BCR: variants seen among roughly 807,000 people sequenced by gnomAD.
BCR encodes the protein breakpoint cluster region protein.
BCR carries 58 observed loss-of-function variants against 138.6 expected under a neutral mutation model. The observed-to-expected ratio is 0.42, with a 90% CI of 0.34 to 0.52. The LOEUF is 0.52. Ranked by LOEUF, BCR falls within the 20% of genes least tolerant of loss-of-function variation. BCR has a pLI of 0.06. For synonymous variants in BCR, 786 were observed against 730.1 expected (o/e 1.08, Z -1.23); for missense variants, 1,599 against 1,727.2 (o/e 0.93, Z 1.32).
chr22:23,210,628 C>A (rs1274125153), intron 1 of BCR, among the ~76,000 whole-genome samples: 1 of 152,134 alleles, frequency 6.6e-6, no homozygotes, highest in African/African-American at 2.4e-5. Flanking sequence ...TTGCATTACC[C>A]CTTGTTCCTT....
At chr22:23,299,693 TTTATATA>T (rs907818606) in intron 16 of BCR, among the ~76,000 whole-genome samples, 2 of 119,952 alleles carry the variant, frequency 1.7e-5, no homozygotes, top group African/African-American at 7.3e-5. Context: ...GGATCTAGAG[TTTATATA>T]TATATATATA....
chr22:23,300,287 T>C (rs146087276), intron 16 of BCR, among the ~76,000 whole-genome samples: 218 of 152,372 alleles, frequency 1.4e-3, no homozygotes, highest in African/African-American at 5.1e-3. Context: ...AGCTACCTCA[T>C]GTAAGTGGAA....
At chr22:23,241,715 C>T (rs970339492) in intron 1 of BCR, among the ~76,000 whole-genome samples, 7 of 152,116 alleles carry the variant, frequency 4.6e-5, no homozygotes, top group African/African-American at 1.7e-4. Flanking sequence ...AGTGCCCCTG[C>T]CTGCGTTTTT....
chr22:23,211,066 CCTT>C (rs2072675886), intron 1 of BCR, among the ~76,000 whole-genome samples: 2 of 152,204 alleles, frequency 1.3e-5, no homozygotes, highest in South Asian at 2.1e-4. Context: ...CTCCCCATCC[CCTT>C]CTTCTGTTAG....
intron 1 of BCR, among the ~76,000 whole-genome samples, chr22:23,249,202 G>A (rs2073192069): frequency 1.3e-5 from 2 of 152,138 alleles, no homozygotes; most frequent in Admixed American, 6.5e-5. Context: ...GGCCAAGGTG[G>A]GTGGATCACA....
chr22:23,245,728 A>T (rs536084417), intron 1 of BCR, among the ~76,000 whole-genome samples: 1 of 152,230 alleles, frequency 6.6e-6, no homozygotes, highest in East Asian at 1.9e-4. Flanking sequence ...TCCATCCGGA[A>T]GGATACTCTC....
intron 1 of BCR, among the ~76,000 whole-genome samples, chr22:23,200,348 A>G (rs4820543): frequency 0.67 from 102,160 of 151,638 alleles, 35,320 homozygotes; most frequent in East Asian, 0.96. Flanking sequence ...ACAGGGTCTT[A>G]CTCCGCTGCC....
At chr22:23,266,718 C>T (rs1169845589) in intron 4 of BCR, among the ~76,000 whole-genome samples, 4 of 152,246 alleles carry the variant, frequency 2.6e-5, no homozygotes, top group Admixed American at 6.5e-5. Flanking sequence ...CAGGCCCACT[C>T]GGGTTTGCCA....
intron 16 of BCR, 28 bp downstream of exon 16, chr22:23,295,183 G>GC: frequency 6.4e-7 from 1 of 1,562,256 alleles, no homozygotes; most frequent in Non-Finnish European, 8.7e-7. Context: ...ACCCTCCCCT[G>GC]CCCGATGCAT....
At chr22:23,304,848 C>T (rs1473768000) in intron 16 of BCR, among the ~76,000 whole-genome samples, 1 of 152,204 alleles carries the variant, frequency 6.6e-6, no homozygotes, top group African/African-American at 2.4e-5. Flanking sequence ...GGCGCGGTGG[C>T]TTACGCCTGT....
intron 16 of BCR, among the ~76,000 whole-genome samples, chr22:23,303,687 G>A (rs1289343388): frequency 2.0e-5 from 3 of 152,350 alleles, no homozygotes; most frequent in Non-Finnish European, 4.4e-5. Flanking sequence ...AAGATCACAT[G>A]AGCAAATTCT....
At chr22:23,191,192 G>A (rs757632679) in intron 1 of BCR, among the ~76,000 whole-genome samples, 10 of 152,174 alleles carry the variant, frequency 6.6e-5, no homozygotes, top group Middle Eastern at 3.2e-3. Flanking sequence ...TCGGCCTCCC[G>A]AAGTGCTGGG....
intron 2 of BCR, chr22:23,254,637 G>T: frequency 1.9e-6 from 1 of 516,440 alleles, no homozygotes; most frequent in South Asian, 1.4e-5. Context: ...GCCCGGCCCT[G>T]CATGAAGTTC....
intron 15 of BCR, among the ~76,000 whole-genome samples, chr22:23,294,395 G>A (rs905822235): frequency 5.3e-5 from 8 of 152,166 alleles, no homozygotes; most frequent in African/African-American, 1.9e-4. Flanking sequence ...TTATCTTTCA[G>A]AGTCCATAGA....
chr22:23,241,705 A>G (rs2073094217), intron 1 of BCR, among the ~76,000 whole-genome samples: 1 of 152,100 alleles, frequency 6.6e-6, no homozygotes, highest in Non-Finnish European at 1.5e-5. Flanking sequence ...ACTGTGCGTC[A>G]GTGCCCCTGC....
At chr22:23,219,016 G>A (rs2072789385) in intron 1 of BCR, among the ~76,000 whole-genome samples, 1 of 48 alleles carries the variant, frequency 0.021, no homozygotes, top group African/African-American at 0.071. Flanking sequence ...GAGCTGAGAA[G>A]GCCTGCGCTT....
rs2072246997 is a variant in BCR at position 23,181,125 on chromosome 22, C to T, written c.165C>T (p.Arg55=). 3 of 1,497,062 alleles carry T rather than the reference C, an allele frequency of 2.0e-6. No individual in the cohort carries two copies. Among genetic ancestry groups the T allele is most frequent in the Non-Finnish European group, 1.8e-6 (2 of 1,115,196 alleles). 92.7% of individuals were successfully genotyped at this position (1,497,062 alleles called of 1,614,324 possible). The stretch of plus-strand genomic sequence containing the variant: ...AGGAGGTGAACCAGGAGCGCTTCCG[C>T]ATGATCTACCTGCAGACGTTGCTGG... ...LEQEVNQERF[R]MIYLQTLLAK... is the part of the protein sequence containing the mutation. The change falls in exon 1 of 23, where the codon CGC becomes CGT. Residue 55 remains arginine (R), a synonymous_variant. Transcript: ENST00000305877.
intron 17 of BCR, 79 bp downstream of exon 17, chr22:23,309,562 G>T (rs1430025278): frequency 1.5e-5 from 19 of 1,268,436 alleles, no homozygotes; most frequent in Non-Finnish European, 2.1e-5. Flanking sequence ...AAATCAGTCA[G>T]AGGTGGCTGA....
chr22:23,251,373 GT>G (rs1168818851), intron 1 of BCR: 2 of 142,948 alleles, frequency 1.4e-5, no homozygotes, highest in African/African-American at 5.2e-5. Context: ...CGGTGAAATC[GT>G]TTTCAAAGCC....
Sources: allele counts gnomAD v4.1 joint callset (sites outside exome capture counted in the v4.1 genomes callset), GRCh38; gene constraint gnomAD v4.1.1; transcripts MANE v1.5; gene names NCBI Gene and HGNC (gene_info 2026-07-23, HGNC 2026-07-21).